Variants in SLCO6A1 observed in about 807,000 individuals in gnomAD.
SLCO6A1 encodes solute carrier organic anion transporter family member 6A1, also known as cancer/testis antigen 48.
Under a neutral mutation model 72.7 loss-of-function variants are expected in SLCO6A1, and 65 were observed. That is an observed-to-expected ratio of 0.89 (90% CI 0.73 to 1.10). The LOEUF is 1.10. Ranked by LOEUF, SLCO6A1 falls within the 50% of genes least tolerant of loss-of-function variation. The probability of loss-of-function intolerance (pLI) is 0.00; values close to 1 mark genes in which losing one functional copy is unlikely to be tolerated. For synonymous variants in SLCO6A1, 314 were observed against 298.2 expected (o/e 1.05, Z -0.55); for missense variants, 874 against 872.6 (o/e 1.00, Z -0.02).
chr5:102,373,469 G>T lies in SLCO6A1; in HGVS notation c.2043C>A (p.Ile681=), dbSNP rs780805267. ...GICFLCKLCT[I]IFTTIAFFIY... ...TGAAAAATGCAATAGTAGTGAAGAT[G>T]ATAGTGCATAGTTTGCAAAGAAAAC... Residue 681 remains isoleucine, a synonymous_variant, in exon 13 of 14, where the codon ATC becomes ATA. Coordinates refer to ENST00000506729, the MANE Select transcript of SLCO6A1 (RefSeq NM_173488.5). 1 of 1,528,918 alleles carries T rather than the reference G, an allele frequency of 6.5e-7. No individual in the cohort carries two copies. Among genetic ancestry groups the T allele is most frequent in the East Asian group, 2.4e-5 (1 of 41,748 alleles). 94.7% of individuals were successfully genotyped at this position (1,528,918 alleles called of 1,614,324 possible).
chr5:102,477,710 C>T lies in SLCO6A1; in HGVS notation c.768G>A (p.Glu256=), dbSNP rs552917023. The T allele has an allele frequency of 1.9e-6, 3 of 1,613,456 alleles. No individual in the cohort carries two copies. The highest frequency in any genetic ancestry group is 2.5e-6 in the Non-Finnish European group (3 of 1,179,688). The change falls in exon 3 of 14, where the codon GAG becomes GAA. Residue 256 remains glutamate (E), a synonymous_variant. Transcript: ENST00000506729. ...TACCAGCTGAGTGTGTAGCAACATT[C>T]TCATCAATAAAGGTTATTCCAAGGA... ...LYILGITFID[E]NVATHSAGIY... is the part of the protein sequence containing the mutation.
At chr5:102,415,885 A>C (rs1748255505) in intron 8 of SLCO6A1, among the ~76,000 whole-genome samples, 1 of 152,146 alleles carries the variant, frequency 6.6e-6, no homozygotes, top group Non-Finnish European at 1.5e-5. Context: ...ATTTCACTGA[A>C]AGGGGGCAAA....
At chr5:102,440,691 C>T (rs1312291581) in intron 6 of SLCO6A1, among the ~76,000 whole-genome samples, 3 of 152,066 alleles carry the variant, frequency 2.0e-5, no homozygotes, top group East Asian at 1.9e-4. Flanking sequence ...AGGGACAAGC[C>T]CTGTCCAAAT....
intron 6 of SLCO6A1, among the ~76,000 whole-genome samples, chr5:102,441,763 C>T (rs1055059177): frequency 1.3e-5 from 2 of 151,640 alleles, no homozygotes; most frequent in African/African-American, 4.8e-5. Flanking sequence ...TTTTTAGCAT[C>T]TCTGTTAAAT....
At chr5:102,403,377 T>G (rs975940055) in intron 9 of SLCO6A1, among the ~76,000 whole-genome samples, 1 of 152,130 alleles carries the variant, frequency 6.6e-6, no homozygotes. Context: ...AAATAATTCA[T>G]GACCACTGAA....
chr5:102,482,004 A>G (rs559198006), intron 1 of SLCO6A1, among the ~76,000 whole-genome samples: 1 of 152,338 alleles, frequency 6.6e-6, no homozygotes, highest in South Asian at 2.1e-4. Flanking sequence ...GCAGGAAACA[A>G]CATATAAAAA....
At chr5:102,400,286 T>C (rs1354922925) in intron 9 of SLCO6A1, among the ~76,000 whole-genome samples, 2 of 151,674 alleles carry the variant, frequency 1.3e-5, no homozygotes, top group Non-Finnish European at 2.9e-5. Context: ...CATTTTAAAA[T>C]CAAAGAAAAA....
Position 102,444,565 on chromosome 5 carries a change from A to G in SLCO6A1, c.1132-5804T>C, listed in dbSNP as rs184653760. Among the ~76,000 whole-genome samples the G allele has an allele frequency of 2.4e-4, 37 of 152,308 alleles. No homozygotes were observed. The East Asian group carries it at 7.1e-3, about 29-fold the overall frequency. On this transcript the variant is annotated intron_variant, in intron 6 of 13. Transcript: ENST00000506729. Reference sequence around the variant, plus strand: ...GGCTCATCAATCTGTCCATCAGAATAAAATATCTCCTCTAGAAAATGCTGC... The same window carrying G: ...GGCTCATCAATCTGTCCATCAGAATGAAATATCTCCTCTAGAAAATGCTGC...
chr5:102,491,718 C>A (rs551886196), intron 1 of SLCO6A1, among the ~76,000 whole-genome samples: 1 of 152,226 alleles, frequency 6.6e-6, no homozygotes, highest in Non-Finnish European at 1.5e-5. Context: ...GGTTCCCGCC[C>A]GTGCCTCTCC....
chr5:102,426,016 G>A (rs896595442), intron 7 of SLCO6A1, among the ~76,000 whole-genome samples: 1 of 152,142 alleles, frequency 6.6e-6, no homozygotes, highest in African/African-American at 2.4e-5. Flanking sequence ...CAAGCAATGC[G>A]GAAATGGTTC....
At chr5:102,372,681 G>GT (rs1338487579) in intron 13 of SLCO6A1, among the ~76,000 whole-genome samples, 3 of 149,232 alleles carry the variant, frequency 2.0e-5, no homozygotes, top group African/African-American at 2.5e-5. Flanking sequence ...CCAAGTGAAG[G>GT]TAAAAAAAAA....
chr5:102,449,261 G>C (rs1750280537), intron 6 of SLCO6A1, among the ~76,000 whole-genome samples: 1 of 152,042 alleles, frequency 6.6e-6, no homozygotes, highest in Non-Finnish European at 1.5e-5. Context: ...GACTTTGTAG[G>C]TGACCTTTCC....
intron 6 of SLCO6A1, among the ~76,000 whole-genome samples, chr5:102,449,328 TA>T (rs1254856338): frequency 6.6e-6 from 1 of 152,150 alleles, no homozygotes; most frequent in African/African-American, 2.4e-5. Context: ...GAAGATCTGA[TA>T]ACTATGTCTC....
chr5:102,391,617 C>T (rs1006891512), intron 10 of SLCO6A1, among the ~76,000 whole-genome samples: 7 of 151,910 alleles, frequency 4.6e-5, no homozygotes, highest in Admixed American at 1.3e-4. Context: ...GTCCTCTCTA[C>T]AGGATTCCTT....
At chr5:102,375,255 C>A (rs980782217) in intron 12 of SLCO6A1, among the ~76,000 whole-genome samples, 3 of 152,140 alleles carry the variant, frequency 2.0e-5, no homozygotes, top group African/African-American at 7.2e-5. Context: ...CAGGTCTACA[C>A]AATTTTGCCA....
chr5:102,395,311 A>T (rs1480675225), intron 10 of SLCO6A1, among the ~76,000 whole-genome samples: 2 of 151,372 alleles, frequency 1.3e-5, no homozygotes, highest in Admixed American at 1.3e-4. Context: ...TGTCCTTGTG[A>T]TAGTTTGCTG....
intron 1 of SLCO6A1, among the ~76,000 whole-genome samples, chr5:102,494,093 GA>G (rs1752802783): frequency 6.6e-6 from 1 of 152,050 alleles, no homozygotes; most frequent in African/African-American, 2.4e-5. Flanking sequence ...GATGTATTAG[GA>G]AAATAGAACT....
At chr5:102,455,011 T>TAC (rs1338738449) in intron 6 of SLCO6A1, among the ~76,000 whole-genome samples, 4 of 93,032 alleles carry the variant, frequency 4.3e-5, no homozygotes, top group South Asian at 6.8e-4. Context: ...TATATAAATA[T>TAC]ATATATATAT....
chr5:102,487,809 G>T (rs1298157388), intron 1 of SLCO6A1, among the ~76,000 whole-genome samples: 1 of 152,164 alleles, frequency 6.6e-6, no homozygotes, highest in Non-Finnish European at 1.5e-5. Flanking sequence ...ACTACATGTG[G>T]ACAAGGTCTA....
Sources: allele counts gnomAD v4.1 joint callset (sites outside exome capture counted in the v4.1 genomes callset), GRCh38; gene constraint gnomAD v4.1.1; transcripts MANE v1.5; gene names NCBI Gene and HGNC (gene_info 2026-07-23, HGNC 2026-07-21).